Variants in GBP4 observed in about 807,000 individuals in gnomAD.
GBP4 encodes the protein guanylate binding protein 4.
Under a neutral mutation model 62.2 loss-of-function variants are expected in GBP4, and 69 were observed. That is an observed-to-expected ratio of 1.11 (90% CI 0.91 to 1.36). The LOEUF is 1.36. Among genes scored for constraint, GBP4 ranks in the 40% most tolerant of loss-of-function variants. The probability of loss-of-function intolerance (pLI) is 0.00; values close to 1 mark genes in which losing one functional copy is unlikely to be tolerated. For missense variants in GBP4, 697 were observed against 759.3 expected, an observed-to-expected ratio of 0.92 and a Z score of 0.96; for synonymous variants, 278 against 274.6, an observed-to-expected ratio of 1.01 and a Z score of -0.12.
Position 89,191,261 on chromosome 1 carries a change from G to C in GBP4, c.916C>G (p.Arg306Gly). The change falls in exon 6 of 11, where the codon CGG (arginine) becomes GGG (glycine). Residue 306 changes from arginine (R) to glycine (G), a missense_variant and splice_region_variant. Coordinates refer to ENST00000355754, the MANE Select transcript of GBP4 (RefSeq NM_052941.5). ...TGCTTTGGGACAAAAAAAGACTCACGCTTTCCAGTGACAATGATTCCCTCT... is the reference window on the plus strand; with the variant it reads ...TGCTTTGGGACAAAAAAAGACTCACCCTTTCCAGTGACAATGATTCCCTCT... ...LREGIIVTGK[R>G]LGTLVVTYVD... is the part of the protein sequence containing the mutation. The C allele has an allele frequency of 6.2e-7, 1 of 1,610,948 alleles. No individual in the cohort carries two copies. The highest frequency in any genetic ancestry group is 8.5e-7 in the Non-Finnish European group (1 of 1,177,218).
Position 89,184,886 on chromosome 1 carries a change from C to G in GBP4, c.*368G>C, listed in dbSNP as rs1391833834. ...AAAAATTAAAAATTGTGGAGCTGCT[C>G]TCTTCTCATTAATCGGCAAGAGCTA... On this transcript the variant is annotated 3_prime_UTR_variant, in exon 11 of 11. Coordinates refer to ENST00000355754, the MANE Select transcript of GBP4 (RefSeq NM_052941.5). 6.1e-6 allele frequency: 1 copy of G among 165,242 alleles called. No individual in the cohort carries two copies. The highest frequency in any genetic ancestry group is 2.4e-5 in the African/African-American group (1 of 41,766). 10.2% of individuals were successfully genotyped at this position (165,242 alleles called of 1,614,324 possible).
chr1:89,189,015 T>C (rs1648113795), intron 7 of GBP4, among the ~76,000 whole-genome samples: 1 of 152,248 alleles, frequency 6.6e-6, no homozygotes. Flanking sequence ...TGTAAATTTA[T>C]GTGGTTAGAA....
intron 3 of GBP4, 143 bp downstream of exon 3, chr1:89,195,154 T>C (rs1223010286): frequency 2.4e-5 from 19 of 804,248 alleles, no homozygotes; most frequent in Non-Finnish European, 3.7e-5. Flanking sequence ...TTGAAATTAA[T>C]AAGGAAGTCT....
intron 8 of GBP4, 109 bp downstream of exon 8, chr1:89,188,473 G>C: frequency 1.2e-6 from 1 of 860,196 alleles, no homozygotes; most frequent in East Asian, 2.4e-5. Flanking sequence ...ATAGCATCAT[G>C]TTCTGCTTCC....
At chr1:89,195,068 A>G (rs1402133471) in intron 3 of GBP4, among the ~76,000 whole-genome samples, 10 of 152,206 alleles carry the variant, frequency 6.6e-5, no homozygotes, top group Non-Finnish European at 2.9e-5. Context: ...CATCTCTTCA[A>G]TACATATTTA....
Position 89,192,959 on chromosome 1 carries a change from A to C in GBP4, c.615T>G (p.Asp205Glu). 1 of 1,614,168 alleles carries C rather than the reference A, an allele frequency of 6.2e-7. No individual in the cohort carries two copies. The highest frequency in any genetic ancestry group is 8.5e-7 in the Non-Finnish European group (1 of 1,180,034). Residue 205 changes from aspartate to glutamate, a missense_variant, in exon 5 of 11, where the codon GAT (aspartate) becomes GAG (glutamate). Coordinates refer to ENST00000355754, the MANE Select transcript of GBP4 (RefSeq NM_052941.5). ...VRDFTLELKL[D>E]GNPITEDEYL... ...ACTCATCTTCTGTGATGGGGTTTCC[A>C]TCTAACTTTAGCTCCAGGGTAAAAT... is the stretch of plus-strand genomic sequence containing the variant.
rs1241268685 is a variant in GBP4, at chr1:89,188,646, A to T, written c.1346T>A (p.Leu449His). The change falls in exon 8 of 11, where the codon CTC becomes CAC. Residue 449 changes from leucine (L) to histidine (H), a missense_variant. Leu to His is a moderately conservative substitution (Grantham distance 99). This residue lies in a region of GBP4 where 556 missense variants were observed against 562.7 expected (regional missense o/e 0.99). Coordinates refer to ENST00000355754, the MANE Select transcript of GBP4 (RefSeq NM_052941.5). ...GIFSVPGGHN[L>H]YLEEKKQVEW... ...AACCTGTTTCTTTTCTTCTAAGTAG[A>T]GATTGTGTCCTCCAGGAACAGAGAA... 3.1e-6 allele frequency: 5 copies of T among 1,614,192 alleles called. No individual in the cohort carries two copies. The highest frequency in any genetic ancestry group is 4.2e-6 in the Non-Finnish European group (5 of 1,180,044).
intron 5 of GBP4, among the ~76,000 whole-genome samples, chr1:89,191,958 T>C (rs1248883077): frequency 2.6e-5 from 4 of 152,144 alleles, no homozygotes; most frequent in African/African-American, 7.2e-5. Context: ...AGGTGAATGA[T>C]ACCCAAGTCA....
chr1:89,191,632 A>G (rs1234161127), intron 5 of GBP4, 126 bp from the exon 6 acceptor site: 1 of 940,586 alleles, frequency 1.1e-6, no homozygotes, highest in Non-Finnish European at 1.6e-6. Context: ...TTATGCAATC[A>G]TACAAAACAG....
rs753830392 is a variant in GBP4, at chr1:89,193,321, T to C, written c.455A>G (p.Gln152Arg). ...VYNSVSTINH[Q>R]ALEQLHYVTE... ...AGGATACTGCAGCTGCTCCAGGGCC[T>C]GGTGGTTGATGGTGCTCACGCTGTT... The change falls in exon 4 of 11, where the codon CAG (glutamine) becomes CGG (arginine). Residue 152 changes from glutamine (Q) to arginine (R), a missense_variant. Gln to Arg is a conservative substitution (Grantham distance 43). Transcript: ENST00000355754. 8.1e-6 allele frequency: 13 copies of C among 1,614,000 alleles called. No individual in the cohort carries two copies. In the East Asian group the frequency reaches 2.9e-4, roughly 36 times the overall value.
chr1:89,195,254 A>T, intron 3 of GBP4, 43 bp downstream of exon 3: 2 of 1,600,148 alleles, frequency 1.2e-6, no homozygotes, highest in South Asian at 2.2e-5. Context: ...AAAAATTAAA[A>T]GATGAGAGGT....
At position 89,198,846 on chromosome 1, in the gene GBP4, C is replaced by G; in HGVS notation, c.-12G>C. The G allele has an allele frequency of 1.9e-6, 3 of 1,613,558 alleles. No individual in the cohort carries two copies. The highest frequency in any genetic ancestry group is 2.5e-6 in the Non-Finnish European group (3 of 1,179,458). On this transcript the variant is annotated 5_prime_UTR_variant, in exon 1 of 11. Transcript: ENST00000355754. ...GTTCTCTCACCCATTGCTCTGTCCT[C>G]CTGCGCCTGGATCCTCGAGAAACGG...
intron 6 of GBP4, among the ~76,000 whole-genome samples, chr1:89,190,892 A>G (rs1196099622): frequency 6.6e-6 from 1 of 152,100 alleles, no homozygotes; most frequent in Non-Finnish European, 1.5e-5. Flanking sequence ...CAAACTCTCA[A>G]TGAGCTTGCA....
intron 3 of GBP4, among the ~76,000 whole-genome samples, chr1:89,194,978 TC>T (rs916385192): frequency 2.0e-5 from 3 of 152,310 alleles, no homozygotes; most frequent in Middle Eastern, 3.4e-3. Flanking sequence ...ACCCCATATT[TC>T]TTGTCTTCAC....
intron 8 of GBP4, among the ~76,000 whole-genome samples, chr1:89,187,882 T>C (rs913732155): frequency 1.3e-5 from 2 of 152,176 alleles, no homozygotes. Context: ...TGGAAACTGT[T>C]TGTAGGAACA....
chr1:89,186,537 A>G lies in GBP4; in HGVS notation c.1514-11T>C. 1 of 1,612,380 alleles carries G rather than the reference A, an allele frequency of 6.2e-7. No individual in the cohort carries two copies. ...TCATGGCCCGCTCCGCTATTCCACA[A>G]AGGTTTTAGAGAGGGAAGAAAATGA... On this transcript the variant is annotated splice_polypyrimidine_tract_variant and intron_variant, in intron 9 of 10. Transcript: ENST00000355754.
In GBP4 at chr1:89,182,327, G is replaced by A. The variant is rs1250736371; in HGVS notation, c.*2927C>T. The A allele has an allele frequency of 6.6e-6, 1 of 152,144 alleles. No individual in the cohort carries two copies. Among genetic ancestry groups the A allele is most frequent in the Non-Finnish European group, 1.5e-5 (1 of 68,034 alleles). The allele number at this position is 152,144 out of a possible 1,614,324, so 9.4% of individuals were successfully genotyped here. ...ACAACACTAAAGATTTCACATGAAA[G>A]GGTCATGATTGATTTGAGCAAACAG... On this transcript the variant is annotated 3_prime_UTR_variant, in exon 11 of 11. Transcript: ENST00000355754.
chr1:89,191,161 A>AT (rs1648170832), intron 6 of GBP4, 100 bp downstream of exon 6: 1 of 1,360,524 alleles, frequency 7.4e-7, no homozygotes, highest in African/African-American at 1.4e-5. Flanking sequence ...CTGCATTCCT[A>AT]TACAGAAGCA....
At chr1:89,187,842 T>C (rs957966274) in intron 8 of GBP4, among the ~76,000 whole-genome samples, 2 of 152,262 alleles carry the variant, frequency 1.3e-5, no homozygotes, top group African/African-American at 4.8e-5. Flanking sequence ...ATAGCAAGTG[T>C]TGGCAAAGAT....
Sources: allele counts gnomAD v4.1 joint callset (sites outside exome capture counted in the v4.1 genomes callset), GRCh38; gene constraint gnomAD v4.1.1; regional missense constraint gnomAD v4.1.1; transcripts MANE v1.5; gene names NCBI Gene and HGNC (gene_info 2026-07-23, HGNC 2026-07-21).